Variants in FAM53A observed in about 807,000 individuals in gnomAD.
FAM53A encodes protein FAM53A.
Under a neutral mutation model 26.6 loss-of-function variants are expected in FAM53A, and 28 were observed. The observed-to-expected ratio is 1.05, with a 90% confidence interval of 0.78 to 1.45. FAM53A has a LOEUF of 1.45. Ranked by LOEUF, FAM53A falls within the 40% of genes most tolerant of loss-of-function variation. The pLI, the probability that FAM53A is intolerant of heterozygous loss-of-function variation, is 0.00. For missense variants in FAM53A, 650 were observed against 575.8 expected (o/e 1.13, Z -1.32); for synonymous variants, 290 against 253.1 (o/e 1.15, Z -1.38).
chr4:1,678,472 A>G (rs1258525816), intron 1 of FAM53A, among the ~76,000 whole-genome samples: 1 of 152,244 alleles, frequency 6.6e-6, no homozygotes, highest in East Asian at 1.9e-4. Flanking sequence ...GTAATACAAT[A>G]GAGAACAGAG....
chr4:1,681,475 A>G (rs773034368), intron 1 of FAM53A, among the ~76,000 whole-genome samples: 44 of 150,912 alleles, frequency 2.9e-4, no homozygotes, highest in Non-Finnish European at 2.1e-4. Flanking sequence ...CTGAAACCAC[A>G]TTCGAAGTGT....
chr4:1,632,529 C>T (rs570831479), intron 1 of FAM53A, among the ~76,000 whole-genome samples: 2 of 152,276 alleles, frequency 1.3e-5, no homozygotes, highest in South Asian at 4.2e-4. Flanking sequence ...GTCACATGAC[C>T]GTCTCAACAG....
chr4:1,685,781 T>C (rs368101930), upstream of FAM53A, among the ~76,000 whole-genome samples: 28 of 152,238 alleles, frequency 1.8e-4, no homozygotes, highest in East Asian at 5.0e-3. Context: ...CTGGCCAGGT[T>C]ACCCAAAGAC....
chr4:1,580,627 G>A, the FAM53A span, among the ~76,000 whole-genome samples: 4 of 144,618 alleles, frequency 2.8e-5, no homozygotes, highest in Non-Finnish European at 6.1e-5. Context: ...TCCTGCCCAG[G>A]CCCTGCCCCC....
the FAM53A span, among the ~76,000 whole-genome samples, chr4:1,590,429 C>A: frequency 6.6e-6 from 1 of 152,078 alleles, no homozygotes; most frequent in Non-Finnish European, 1.5e-5. Flanking sequence ...GGAATTCAAA[C>A]CACAGAAGGC....
At chr4:1,627,889 G>C (rs1440433347) in intron 1 of FAM53A, among the ~76,000 whole-genome samples, 1 of 151,792 alleles carries the variant, frequency 6.6e-6, no homozygotes, top group Non-Finnish European at 1.5e-5. Flanking sequence ...CTCTGGGAGA[G>C]ACAGGCTCTG....
At chr4:1,684,477 C>A (rs1248075923), upstream of FAM53A, among the ~76,000 whole-genome samples, 4 of 150,320 alleles carry the variant, frequency 2.7e-5, no homozygotes, top group African/African-American at 9.7e-5. Context: ...CGCCCAGGCT[C>A]GCACCGCCCA....
In FAM53A at chr4:1,660,880, C is replaced by A. The variant is rs908025069; in HGVS notation, c.76-3412G>T. Among the ~76,000 whole-genome samples, 70 of 137,122 alleles carry A rather than the reference C, an allele frequency of 5.1e-4. 1 individual carries two copies. The highest frequency in any genetic ancestry group is 1.6e-3 in the African/African-American group (61 of 37,418). The allele number at this position is 137,122 out of a possible 152,430, so 90.0% of individuals were successfully genotyped here. On this transcript the variant is annotated intron_variant, in intron 2 of 4. Coordinates refer to ENST00000308132, the MANE Select transcript of FAM53A (RefSeq NM_001174070.3). The stretch of plus-strand genomic sequence containing the variant: ...TGGGTGACAGAGCCAGACTCCATCT[C>A]AAAAAAAAAAAAACTAAAAGTTTTT...
downstream of FAM53A, among the ~76,000 whole-genome samples, chr4:1,615,223 T>C (rs1330715964): frequency 2.9e-4 from 28 of 96,196 alleles, no homozygotes; most frequent in African/African-American, 5.0e-4. Flanking sequence ...GATGCGGCCA[T>C]GCCCATCCCG....
At chr4:1,654,294 C>T (rs955873178) in intron 4 of FAM53A, among the ~76,000 whole-genome samples, 1 of 152,256 alleles carries the variant, frequency 6.6e-6, no homozygotes, top group Non-Finnish European at 1.5e-5. Context: ...CCAGAGGTCT[C>T]TGGTGAATGC....
Position 1,647,891 on chromosome 4 carries a change from G to A in FAM53A, c.883-6284C>T, listed in dbSNP as rs1171245471. 2.6e-5 allele frequency among the ~76,000 whole-genome samples: 4 copies of A among 152,200 alleles called. No individual in the cohort carries two copies. The East Asian group carries it at 5.8e-4, about 22-fold the overall frequency. On this transcript the variant is annotated intron_variant, in intron 4 of 4. Transcript: ENST00000308132. ...TCAGAGCATTTCTTTTTGGCCCTGA[G>A]GTGGAGAGGAGCTTGACACAAACAG...
At chr4:1,596,142 TACC>T in the FAM53A span, among the ~76,000 whole-genome samples, 3 of 152,202 alleles carry the variant, frequency 2.0e-5, no homozygotes, top group South Asian at 6.2e-4. Flanking sequence ...CCAAGGCCAC[TACC>T]AGGCCACACC....
At chr4:1,652,555 A>G (rs1368009830) in intron 4 of FAM53A, among the ~76,000 whole-genome samples, 1 of 131,394 alleles carries the variant, frequency 7.6e-6, no homozygotes, top group Non-Finnish European at 1.6e-5. Flanking sequence ...CACACCACAC[A>G]TTACCACACA....
chr4:1,599,777 A>C, the FAM53A span, among the ~76,000 whole-genome samples: 1 of 152,094 alleles, frequency 6.6e-6, no homozygotes, highest in South Asian at 2.1e-4. The surrounding 1 kb of genome is among the most constrained non-coding windows in gnomAD (Gnocchi z 6.1). Flanking sequence ...AGCCACACGC[A>C]TACTCACCCC....
the FAM53A span, among the ~76,000 whole-genome samples, chr4:1,592,782 C>T: frequency 1.3e-5 from 2 of 152,154 alleles, no homozygotes; most frequent in Non-Finnish European, 2.9e-5. Context: ...GCCATCGCTG[C>T]CCACAGGGAG....
rs1324707362 is a variant in FAM53A, at chr4:1,640,778, T to C, written c.*515A>G. 2.9e-5 allele frequency: 11 copies of C among 373,246 alleles called. No homozygotes were observed. Among genetic ancestry groups the C allele is most frequent in the South Asian group, 1.7e-4 (9 of 52,376 alleles). The allele number at this position is 373,246 out of a possible 1,614,324, so 23.1% of individuals were successfully genotyped here. A position where few individuals can be genotyped will look rare whatever the true frequency, so the allele number is the denominator to read the frequency against. On this transcript the variant is annotated 3_prime_UTR_variant, in exon 5 of 5. Coordinates refer to ENST00000308132, the MANE Select transcript of FAM53A (RefSeq NM_001174070.3). ...CCAGGGCAGGTGCCGGTGGCAGCCA[T>C]GGCCCCGACCAGCTCACAGGAAACC...
chr4:1,635,828 T>C (rs1715812217), downstream of FAM53A, among the ~76,000 whole-genome samples: 1 of 148,472 alleles, frequency 6.7e-6, no homozygotes, highest in African/African-American at 2.5e-5. Flanking sequence ...ACCTGTATAA[T>C]ACTAATTCTT....
At chr4:1,613,930 A>G (rs947597684), downstream of FAM53A, among the ~76,000 whole-genome samples, 1 of 152,244 alleles carries the variant, frequency 6.6e-6, no homozygotes, top group Non-Finnish European at 1.5e-5. Flanking sequence ...AGAGGCTGGG[A>G]TCACATCAGC....
chr4:1,674,917 G>C (rs1056110213), intron 1 of FAM53A, among the ~76,000 whole-genome samples: 3 of 152,192 alleles, frequency 2.0e-5, no homozygotes, highest in African/African-American at 7.2e-5. Context: ...CTGCGTGAGG[G>C]AAGTCTGGGG....
Sources: gnomAD v4.1 joint callset for allele counts (sites outside exome capture counted in the v4.1 genomes callset) on GRCh38, gnomAD v4.1.1 for gene constraint, Gnocchi (gnomAD v3.1) non-coding constraint, MANE v1.5 for transcripts, NCBI Gene and HGNC (gene_info 2026-07-23, HGNC 2026-07-21) for gene names.